Variants in SATB2 observed in about 807,000 individuals in gnomAD.
SATB2 encodes the protein SATB homeobox 2, also known as DNA-binding protein SATB2.
SATB2 carries 1 observed loss-of-function variant against 73.4 expected under a neutral mutation model. That is an observed-to-expected ratio of 0.01 (90% CI 0.00 to 0.06). The LOEUF is 0.06. Ranked by LOEUF, SATB2 falls within the 10% of genes least tolerant of loss-of-function variation. SATB2 has a pLI of 1.00. For synonymous variants in SATB2, 397 were observed against 367.0 expected, an observed-to-expected ratio of 1.08 and a Z score of -0.93; for missense variants, 459 against 945.8, an observed-to-expected ratio of 0.49 and a Z score of 6.75.
upstream of SATB2, chr2:199,465,228 T>C (rs60754858): frequency 6.6e-6 from 1 of 152,338 alleles, no homozygotes; most frequent in African/African-American, 2.4e-5. Flanking sequence ...TCGAGAGCAA[T>C]CATCATTGTA....
chr2:199,395,393 AAC>A (rs1690268293), intron 3 of SATB2, among the ~76,000 whole-genome samples: 1 of 152,334 alleles, frequency 6.6e-6, no homozygotes. Flanking sequence ...AAATTCTGAT[AAC>A]AGTTTCCAGT....
intron 5 of SATB2, among the ~76,000 whole-genome samples, chr2:199,376,071 C>A (rs1254200044): frequency 6.6e-6 from 1 of 152,156 alleles, no homozygotes; most frequent in African/African-American, 2.4e-5. Flanking sequence ...AGTGAATAAT[C>A]TGGAATGTTT....
At chr2:199,467,188 G>A (rs1455501997), upstream of SATB2, among the ~76,000 whole-genome samples, 1 of 152,268 alleles carries the variant, frequency 6.6e-6, no homozygotes, top group Non-Finnish European at 1.5e-5. Context: ...GGCGTGAAGG[G>A]CGGGACGCCC....
At chr2:199,461,960 G>A (rs538226275), upstream of SATB2, among the ~76,000 whole-genome samples, 25 of 152,342 alleles carry the variant, frequency 1.6e-4, no homozygotes, top group Non-Finnish European at 3.1e-4. Context: ...GCTCCGGACA[G>A]CGTAGGCCTG....
intron 5 of SATB2, among the ~76,000 whole-genome samples, chr2:199,377,121 A>T (rs1033361239): frequency 6.6e-6 from 1 of 152,206 alleles, no homozygotes; most frequent in African/African-American, 2.4e-5. Context: ...TCACGCCTAT[A>T]ATCCCAGCAC....
At chr2:199,449,564 G>A (rs1344116956) in intron 2 of SATB2, among the ~76,000 whole-genome samples, 1 of 152,132 alleles carries the variant, frequency 6.6e-6, no homozygotes, top group African/African-American at 2.4e-5. Context: ...AAGAGCAACG[G>A]AAAATAGCAT....
chr2:199,385,138 T>C (rs972492487), intron 3 of SATB2, among the ~76,000 whole-genome samples: 5 of 152,014 alleles, frequency 3.3e-5, no homozygotes, highest in Non-Finnish European at 7.4e-5. Context: ...TTTGTTTGTT[T>C]GTTTGTTTGT....
At chr2:199,342,945 A>G (rs1340082341) in intron 7 of SATB2, among the ~76,000 whole-genome samples, 4 of 152,228 alleles carry the variant, frequency 2.6e-5, no homozygotes, top group Admixed American at 6.5e-5. Context: ...TGAATCAGCC[A>G]TAACAGGGTA....
chr2:199,364,169 A>G (rs984327393), intron 6 of SATB2, among the ~76,000 whole-genome samples: 1 of 152,226 alleles, frequency 6.6e-6, no homozygotes, highest in African/African-American at 2.4e-5. Context: ...TGAGTACAAG[A>G]GGTGCTTTAA....
intron 9 of SATB2, among the ~76,000 whole-genome samples, chr2:199,319,824 T>C (rs144191792): frequency 6.6e-6 from 1 of 150,536 alleles, no homozygotes; most frequent in Non-Finnish European, 1.5e-5. Flanking sequence ...TCGTAGCCCA[T>C]AAAAGGGAGA....
chr2:199,423,205 G>A (rs1222575516), intron 3 of SATB2, among the ~76,000 whole-genome samples: 2 of 152,024 alleles, frequency 1.3e-5, no homozygotes, highest in African/African-American at 2.4e-5. Flanking sequence ...ATATTGAGTT[G>A]CTTATTTTCC....
chr2:199,411,077 T>C (rs1048349583), intron 3 of SATB2, among the ~76,000 whole-genome samples: 6 of 152,132 alleles, frequency 3.9e-5, no homozygotes, highest in Non-Finnish European at 5.9e-5. Flanking sequence ...GGATCTCATT[T>C]GGACAATACT....
chr2:199,276,876 C>T (rs368968114), intron 10 of SATB2, among the ~76,000 whole-genome samples: 7 of 152,240 alleles, frequency 4.6e-5, no homozygotes, highest in East Asian at 3.9e-4. Flanking sequence ...TCCTCTAAAA[C>T]GCATGCTCAT....
chr2:199,430,022 A>C (rs1691454340), intron 3 of SATB2, among the ~76,000 whole-genome samples: 1 of 152,228 alleles, frequency 6.6e-6, no homozygotes, highest in Non-Finnish European at 1.5e-5. Context: ...TCAAACAAGC[A>C]CAGTGAGGCA....
intron 4 of SATB2, 121 bp downstream of exon 4, chr2:199,381,570 CCTT>C (rs1278188736): frequency 1.3e-5 from 18 of 1,361,468 alleles, no homozygotes; most frequent in South Asian, 2.4e-5. Flanking sequence ...CCCTCTCTCT[CCTT>C]CTTTTCATTT....
At chr2:199,371,728 T>C (rs946355086) in intron 5 of SATB2, among the ~76,000 whole-genome samples, 3 of 152,210 alleles carry the variant, frequency 2.0e-5, no homozygotes, top group Admixed American at 6.5e-5. Context: ...AGGATCCATA[T>C]CTTTTTGATA....
At chr2:199,337,293 A>G (rs1302535260) in intron 7 of SATB2, among the ~76,000 whole-genome samples, 1 of 152,228 alleles carries the variant, frequency 6.6e-6, no homozygotes, top group Non-Finnish European at 1.5e-5. Flanking sequence ...AAAATATTCA[A>G]TTTATACTTC....
Position 199,455,019 on chromosome 2 carries a change from G to A in SATB2, c.169+850C>T, listed in dbSNP as rs1416032596. ...GAAAACCTGCATGCCATGTGGAATT[G>A]TGGATTTTACATGTAAAAGACAACT... On this transcript the variant is annotated intron_variant, in intron 2 of 10. Coordinates refer to ENST00000417098, the MANE Select transcript of SATB2 (RefSeq NM_001172509.2). This position sits in a 1 kb window ranked among gnomAD's most constrained non-coding sequence, Gnocchi z 4.1. Among the ~76,000 whole-genome samples the A allele has an allele frequency of 6.6e-6, 1 of 152,176 alleles. No homozygotes were observed. The highest frequency in any genetic ancestry group is 2.1e-4 in the South Asian group (1 of 4,820).
chr2:199,362,412 T>C (rs561424858), intron 6 of SATB2, among the ~76,000 whole-genome samples: 1 of 131,810 alleles, frequency 7.6e-6, no homozygotes, highest in Admixed American at 8.9e-5. Flanking sequence ...CTTTCCTCTA[T>C]GCCACCATTA....
Sources: gnomAD v4.1 joint callset for allele counts (sites outside exome capture counted in the v4.1 genomes callset) on GRCh38, gnomAD v4.1.1 for gene constraint, Gnocchi (gnomAD v3.1) non-coding constraint, MANE v1.5 for transcripts, NCBI Gene and HGNC (gene_info 2026-07-23, HGNC 2026-07-21) for gene names.